The following FAM163A variants were observed in gnomAD, a reference collection of about 807,000 sequenced individuals.
The protein encoded by FAM163A is family with sequence similarity 163 member A.
In FAM163A, 7 loss-of-function variants were observed where a neutral mutation model predicts 12.0. The observed-to-expected ratio is 0.58, with a 90% CI of 0.33 to 1.10. FAM163A has a LOEUF of 1.10. Among genes scored for constraint, FAM163A ranks in the 50% least tolerant of loss-of-function variants. FAM163A has a pLI of 0.03. For synonymous variants in FAM163A, 101 were observed against 91.0 expected (o/e 1.11, Z -0.62); for missense variants, 202 against 218.6 (o/e 0.92, Z 0.48).
chr1:179,816,085 T>G lies in FAM163A; in HGVS notation c.*1896T>G, dbSNP rs1258948370. On this transcript the variant is annotated 3_prime_UTR_variant, in exon 5 of 5. Transcript: ENST00000341785. Reference sequence around the variant, plus strand: ...AGATCTGCCGGCCCAGAGCACTCCCTCTTGCCCTAATCCTGGCAGGGTCTG... The same window carrying G: ...AGATCTGCCGGCCCAGAGCACTCCCGCTTGCCCTAATCCTGGCAGGGTCTG... 6.6e-6 allele frequency: 1 copy of G among 152,256 alleles called. No homozygotes were observed. Among genetic ancestry groups the G allele is most frequent in the Non-Finnish European group, 1.5e-5 (1 of 68,066 alleles). 9.4% of individuals were successfully genotyped at this position (152,256 alleles called of 1,614,324 possible).
chr1:179,813,317 G>C (rs1694958656), intron 4 of FAM163A, 127 bp downstream of exon 4: 2 of 933,310 alleles, frequency 2.1e-6, no homozygotes, highest in East Asian at 5.4e-5. Context: ...TGTAGCAGGC[G>C]TAAGTCAAGG....
chr1:179,780,530 G>A (rs1036945720), intron 1 of FAM163A, among the ~76,000 whole-genome samples: 2 of 152,168 alleles, frequency 1.3e-5, no homozygotes, highest in Non-Finnish European at 2.9e-5. Flanking sequence ...AGTGGTTCTC[G>A]AAGTGTGGTC....
intron 1 of FAM163A, among the ~76,000 whole-genome samples, chr1:179,799,787 T>C (rs1692901921): frequency 6.6e-6 from 1 of 152,216 alleles, no homozygotes; most frequent in Non-Finnish European, 1.5e-5. Flanking sequence ...GATCAGAACT[T>C]CAGGAGCTCC....
the FAM163A span, among the ~76,000 whole-genome samples, chr1:179,736,573 G>T: frequency 1.3e-5 from 2 of 152,160 alleles, no homozygotes; most frequent in Admixed American, 1.3e-4. Context: ...ACTTTGGAAG[G>T]CCAAGGCGGG....
chr1:179,730,690 CTCTTT>C, the FAM163A span, among the ~76,000 whole-genome samples: 1 of 152,140 alleles, frequency 6.6e-6, no homozygotes. Context: ...GCTCTTAAAG[CTCTTT>C]TCTTAAAACT....
intron 1 of FAM163A, among the ~76,000 whole-genome samples, chr1:179,771,276 A>G (rs2148116370): frequency 6.6e-6 from 1 of 152,082 alleles, no homozygotes; most frequent in Admixed American, 6.5e-5. Context: ...TGGCAGCCCC[A>G]CCAGCTCTGC....
intron 1 of FAM163A, among the ~76,000 whole-genome samples, chr1:179,801,861 G>A (rs571855541): frequency 1.2e-4 from 18 of 152,280 alleles, no homozygotes; most frequent in East Asian, 1.2e-3. Context: ...ACAAAGACGC[G>A]TGATTCCAAG....
intron 1 of FAM163A, among the ~76,000 whole-genome samples, chr1:179,749,985 G>T (rs545373731): frequency 1.2e-4 from 19 of 152,328 alleles, no homozygotes; most frequent in African/African-American, 4.3e-4. Context: ...CTTATTTATT[G>T]TCTGTGAATT....
intron 1 of FAM163A, among the ~76,000 whole-genome samples, chr1:179,765,990 G>A (rs1000446428): frequency 3.3e-5 from 5 of 152,172 alleles, no homozygotes; most frequent in Non-Finnish European, 7.3e-5. Flanking sequence ...GGCTCTTACA[G>A]CTCCATGATG....
chr1:179,800,329 G>GGTAC (rs933976309), intron 1 of FAM163A, among the ~76,000 whole-genome samples: 1 of 152,220 alleles, frequency 6.6e-6, no homozygotes, highest in African/African-American at 2.4e-5. Context: ...TCAGGGAAGG[G>GGTAC]GTACGCTCAG....
intron 1 of FAM163A, among the ~76,000 whole-genome samples, chr1:179,807,507 C>G (rs112116009): frequency 4.6e-5 from 7 of 152,356 alleles, no homozygotes; most frequent in African/African-American, 1.7e-4. Context: ...TCGCCGTCAC[C>G]TCCCAGACAT....
intron 2 of FAM163A, among the ~76,000 whole-genome samples, chr1:179,811,115 G>A (rs943189045): frequency 5.9e-5 from 9 of 152,142 alleles, no homozygotes; most frequent in African/African-American, 1.9e-4. Context: ...GGTGAGGAGG[G>A]AAAGATAAAT....
chr1:179,774,951 T>G (rs1688743673), intron 1 of FAM163A, among the ~76,000 whole-genome samples: 1 of 152,156 alleles, frequency 6.6e-6, no homozygotes, highest in Non-Finnish European at 1.5e-5. Context: ...GTTCTTGACG[T>G]TTTGAACAAA....
intron 1 of FAM163A, among the ~76,000 whole-genome samples, chr1:179,759,851 G>C (rs1686568336): frequency 6.6e-6 from 1 of 152,132 alleles, no homozygotes; most frequent in Non-Finnish European, 1.5e-5. Context: ...ATTTTTAGTA[G>C]AGATGGGGTT....
chr1:179,803,667 C>T (rs1693510510), intron 1 of FAM163A, among the ~76,000 whole-genome samples: 1 of 152,058 alleles, frequency 6.6e-6, no homozygotes, highest in South Asian at 2.1e-4. Flanking sequence ...CTCCCGGGTT[C>T]AAGCAATTCT....
chr1:179,790,966 C>T (rs1446015074), intron 1 of FAM163A, among the ~76,000 whole-genome samples: 1 of 152,128 alleles, frequency 6.6e-6, no homozygotes, highest in Non-Finnish European at 1.5e-5. Flanking sequence ...AGGAAACAAA[C>T]TAGAGCTCCC....
At chr1:179,788,910 C>T (rs1395763923) in intron 1 of FAM163A, among the ~76,000 whole-genome samples, 1 of 152,210 alleles carries the variant, frequency 6.6e-6, no homozygotes, top group Non-Finnish European at 1.5e-5. Context: ...CGTCTATGTG[C>T]ACTGTGGTGC....
chr1:179,771,404 T>C (rs1307049238), intron 1 of FAM163A, among the ~76,000 whole-genome samples: 2 of 152,226 alleles, frequency 1.3e-5, no homozygotes, highest in Non-Finnish European at 2.9e-5. Context: ...GCTGCTGTCA[T>C]TTTTGTTCTC....
At chr1:179,752,842 T>C (rs1685471287) in intron 1 of FAM163A, among the ~76,000 whole-genome samples, 1 of 152,210 alleles carries the variant, frequency 6.6e-6, no homozygotes, top group African/African-American at 2.4e-5. Flanking sequence ...GCACTGTTTG[T>C]GGGGGGGATG....
Sources: gnomAD v4.1 joint callset for allele counts (sites outside exome capture counted in the v4.1 genomes callset) on GRCh38, gnomAD v4.1.1 for gene constraint, MANE v1.5 for transcripts, NCBI Gene and HGNC (gene_info 2026-07-23, HGNC 2026-07-21) for gene names.